Variants in DLG2 observed in about 807,000 individuals in gnomAD.
DLG2 encodes disks large homolog 2.
A neutral mutation model predicts 132.5 loss-of-function variants in DLG2; 45 were observed. The observed-to-expected ratio is 0.34, with a 90% CI of 0.27 to 0.44. The LOEUF is 0.44. Among genes scored for constraint, DLG2 ranks in the 20% least tolerant of loss-of-function variants. The pLI is 1.00. For synonymous variants in DLG2, 424 were observed against 419.6 expected, an observed-to-expected ratio of 1.01 and a Z score of -0.13; for missense variants, 1,045 against 1,196.9, an observed-to-expected ratio of 0.87 and a Z score of 1.87.
At chr11:85,057,362 T>A (rs150018479) in intron 6 of DLG2, among the ~76,000 whole-genome samples, 1 of 151,482 alleles carries the variant, frequency 6.6e-6, no homozygotes, top group Non-Finnish European at 1.5e-5. Flanking sequence ...AAATAAAACA[T>A]CACTTCAGAT....
chr11:85,120,007 T>C lies in DLG2; in HGVS notation c.283-8272A>G, dbSNP rs535627763. Among the ~76,000 whole-genome samples the C allele has an allele frequency of 2.2e-4, 33 of 152,188 alleles. 2 individuals carry two copies. The highest frequency in any genetic ancestry group is 7.9e-4 in the African/African-American group (33 of 41,568). ...AATATGCAATTCATACAAATTTGCT[T>C]ATGATCTTCTTGAATTTCAAAAAAT... On this transcript the variant is annotated intron_variant, in intron 5 of 27. Coordinates refer to ENST00000376104, the MANE Select transcript of DLG2 (RefSeq NM_001142699.3).
chr11:85,334,057 A>C (rs1044431952), intron 3 of DLG2, among the ~76,000 whole-genome samples: 1 of 151,938 alleles, frequency 6.6e-6, no homozygotes, highest in Non-Finnish European at 1.5e-5. Flanking sequence ...AATCCATTTC[A>C]TCCTGGGCTT....
intron 15 of DLG2, among the ~76,000 whole-genome samples, chr11:83,889,154 T>A (rs1038839452): frequency 1.3e-5 from 2 of 151,934 alleles, no homozygotes; most frequent in African/African-American, 4.8e-5. Flanking sequence ...GAAACTACCA[T>A]CAGAGTGAAC....
chr11:83,687,029 C>T (rs2079916925), intron 18 of DLG2, among the ~76,000 whole-genome samples: 1 of 152,148 alleles, frequency 6.6e-6, no homozygotes, highest in Non-Finnish European at 1.5e-5. Context: ...CACAGAGGTG[C>T]ACACAGGGAG....
chr11:84,649,199 C>T (rs1208695526), intron 6 of DLG2, among the ~76,000 whole-genome samples: 2 of 152,194 alleles, frequency 1.3e-5, no homozygotes, highest in African/African-American at 4.8e-5. Context: ...GTTCCACAAA[C>T]CTTAGAGCTC....
At chr11:83,599,928 T>C (rs2058250428) in intron 19 of DLG2, among the ~76,000 whole-genome samples, 2 of 152,226 alleles carry the variant, frequency 1.3e-5, no homozygotes, top group African/African-American at 4.8e-5. Flanking sequence ...AATCTATATT[T>C]CTAGGAACAT....
intron 2 of DLG2, among the ~76,000 whole-genome samples, chr11:85,616,080 G>A (rs1184421436): frequency 6.6e-6 from 1 of 152,168 alleles, no homozygotes. Context: ...TCTATCTGTT[G>A]ATTTGCTTAA....
intron 3 of DLG2, among the ~76,000 whole-genome samples, chr11:85,540,488 T>C (rs2075893521): frequency 6.6e-6 from 1 of 152,060 alleles, no homozygotes; most frequent in South Asian, 2.1e-4. Context: ...CACCATCCCA[T>C]TCCATCCCCC....
chr11:83,991,612 C>T (rs975713069), intron 11 of DLG2, among the ~76,000 whole-genome samples: 2 of 151,918 alleles, frequency 1.3e-5, no homozygotes, highest in Non-Finnish European at 2.9e-5. Context: ...TTGGCCATTC[C>T]TCTGTCCTGT....
intron 2 of DLG2, among the ~76,000 whole-genome samples, chr11:85,606,704 C>T (rs576337477): frequency 4.6e-5 from 7 of 152,230 alleles, no homozygotes; most frequent in East Asian, 1.9e-4. Flanking sequence ...GGGTCTGCGC[C>T]GCCTTTATGA....
chr11:85,361,472 T>A (rs1026017970), intron 3 of DLG2, among the ~76,000 whole-genome samples: 45 of 152,196 alleles, frequency 3.0e-4, no homozygotes, highest in Non-Finnish European at 1.8e-4. Context: ...TCCCACCTTT[T>A]GGAGTCTCCA....
chr11:85,596,311 C>T (rs573229396), intron 3 of DLG2, among the ~76,000 whole-genome samples: 2 of 152,202 alleles, frequency 1.3e-5, no homozygotes, highest in South Asian at 4.1e-4. Context: ...ACTGCTTGAA[C>T]CGGGAGGCAG....
At chr11:85,321,450 A>G (rs1218946102) in intron 3 of DLG2, among the ~76,000 whole-genome samples, 2 of 152,078 alleles carry the variant, frequency 1.3e-5, no homozygotes, top group Non-Finnish European at 2.9e-5. Context: ...GATTGCATTT[A>G]AGTCACAAAA....
At chr11:84,253,617 T>A (rs935588579) in intron 7 of DLG2, among the ~76,000 whole-genome samples, 5 of 152,184 alleles carry the variant, frequency 3.3e-5, no homozygotes, top group Admixed American at 6.5e-5. Flanking sequence ...AAACAGCTCA[T>A]GTCAAAGGCA....
intron 7 of DLG2, among the ~76,000 whole-genome samples, chr11:84,382,591 G>A (rs2098752535): frequency 6.6e-6 from 1 of 152,134 alleles, no homozygotes; most frequent in African/African-American, 2.4e-5. Flanking sequence ...CCAGGCTGTA[G>A]ATGAGAGTAT....
chr11:85,048,036 C>T (rs903268679), intron 6 of DLG2, among the ~76,000 whole-genome samples: 7 of 151,856 alleles, frequency 4.6e-5, no homozygotes, highest in Non-Finnish European at 8.8e-5. Context: ...TCCTAATAGT[C>T]TACTAATTTA....
intron 4 of DLG2, among the ~76,000 whole-genome samples, chr11:85,250,164 G>C (rs2076328858): frequency 6.6e-6 from 1 of 152,158 alleles, no homozygotes. Flanking sequence ...GCATACGTTT[G>C]ACGGTTTTAA....
chr11:83,608,677 C>G (rs1283672038), intron 19 of DLG2, among the ~76,000 whole-genome samples: 1 of 151,440 alleles, frequency 6.6e-6, no homozygotes, highest in African/African-American at 2.4e-5. Flanking sequence ...CAGGAGCAAT[C>G]CATAATTATA....
chr11:84,579,727 A>C (rs780959666), intron 6 of DLG2, among the ~76,000 whole-genome samples: 12 of 152,206 alleles, frequency 7.9e-5, no homozygotes, highest in Non-Finnish European at 1.5e-4. Flanking sequence ...GACAGCCATA[A>C]ACTAGGGAAG....
Sources: allele counts gnomAD v4.1 joint callset (sites outside exome capture counted in the v4.1 genomes callset), GRCh38; gene constraint gnomAD v4.1.1; transcripts MANE v1.5; gene names NCBI Gene and HGNC (gene_info 2026-07-23, HGNC 2026-07-21).